The following MAPK8IP3 variants were observed in gnomAD, a reference collection of about 807,000 sequenced individuals.
The protein encoded by MAPK8IP3 is mitogen-activated protein kinase 8 interacting protein 3.
In MAPK8IP3, 49 loss-of-function variants were observed where a neutral mutation model predicts 157.8. That is an observed-to-expected ratio of 0.31 (90% confidence interval 0.25 to 0.39). MAPK8IP3 has a LOEUF of 0.39. Among genes scored for constraint, MAPK8IP3 ranks in the 10% least tolerant of loss-of-function variants. The pLI is 1.00. For missense variants in MAPK8IP3, 1,478 were observed against 1,889.4 expected (o/e 0.78, Z 4.04); for synonymous variants, 897 against 777.7 (o/e 1.15, Z -2.55).
intron 8 of MAPK8IP3, among the ~76,000 whole-genome samples, chr16:1,749,931 A>G (rs1183768131): frequency 6.6e-6 from 1 of 152,216 alleles, no homozygotes; most frequent in African/African-American, 2.4e-5. Context: ...TATGAGTAAC[A>G]TAATATTCAC....
intron 4 of MAPK8IP3, among the ~76,000 whole-genome samples, chr16:1,738,806 CATGTGAGCATCTG>C (rs1468215579): frequency 7.6e-6 from 1 of 131,864 alleles, no homozygotes; most frequent in East Asian, 2.4e-4. Context: ...TGTGACCACC[CATGTGAGCATCTG>C]TGTGACCGTC....
chr16:1,765,886 C>A (rs890156290), intron 20 of MAPK8IP3, 74 bp from the exon 21 acceptor site: 8 of 1,384,752 alleles, frequency 5.8e-6, no homozygotes, highest in African/African-American at 1.4e-5. Context: ...TCCTCTGCCC[C>A]TGTGTAAGTG....
chr16:1,743,538 G>A lies in MAPK8IP3; in HGVS notation c.747+62G>A. The A allele has an allele frequency of 3.2e-6, 5 of 1,569,092 alleles. No individual in the cohort carries two copies. The South Asian group carries it at 5.8e-5, about 18-fold the overall frequency. On this transcript the variant is annotated intron_variant, in intron 5 of 31. Transcript: ENST00000610761. This position sits in a 1 kb window ranked among gnomAD's most constrained non-coding sequence, Gnocchi z 5.6. ...CTGTTGCTGGTGTTCCCCGTTCACT[G>A]GGGCGGGAGCCTCGTCTGCAGGCAG...
At chr16:1,748,542 G>A (rs2041106613) in intron 7 of MAPK8IP3, 60 bp from the exon 8 acceptor site, 21 of 1,397,250 alleles carry the variant, frequency 1.5e-5, no homozygotes, top group South Asian at 1.4e-4. Flanking sequence ...GTCTGCAGAC[G>A]CAGCCACTCC....
At chr16:1,737,702 G>A (rs1382107103) in intron 4 of MAPK8IP3, among the ~76,000 whole-genome samples, 1 of 91,526 alleles carries the variant, frequency 1.1e-5, no homozygotes, top group Non-Finnish European at 2.0e-5. Flanking sequence ...GACCATCCAT[G>A]TGAGCATCTG....
chr16:1,708,314 T>C (rs1269996237), intron 1 of MAPK8IP3, among the ~76,000 whole-genome samples: 1 of 152,178 alleles, frequency 6.6e-6, no homozygotes, highest in Non-Finnish European at 1.5e-5. Flanking sequence ...AAGCCTGGAG[T>C]GCCAGGGCTG....
chr16:1,755,954 A>G (rs2041572916), intron 8 of MAPK8IP3, among the ~76,000 whole-genome samples: 1 of 152,234 alleles, frequency 6.6e-6, no homozygotes, highest in Non-Finnish European at 1.5e-5. Context: ...GAGAAAATCA[A>G]GAAAACTTTT....
chr16:1,746,852 G>T, intron 5 of MAPK8IP3, 177 bp from the exon 6 acceptor site: 1 of 697,278 alleles, frequency 1.4e-6, no homozygotes, highest in East Asian at 2.8e-5. Flanking sequence ...AGCCACTCGG[G>T]AGTGGTGAGG....
At chr16:1,764,752 G>C (rs2042157645) in intron 19 of MAPK8IP3, among the ~76,000 whole-genome samples, 1 of 152,208 alleles carries the variant, frequency 6.6e-6, no homozygotes, top group African/African-American at 2.4e-5. Flanking sequence ...TTGCCTCCCA[G>C]TGGTGGGAGG....
chr16:1,756,502 G>A (rs2041606181), intron 8 of MAPK8IP3, among the ~76,000 whole-genome samples: 1 of 151,736 alleles, frequency 6.6e-6, no homozygotes, highest in Admixed American at 6.6e-5. Flanking sequence ...AGCAACCGGG[G>A]TCAGGCACAG....
At chr16:1,734,347 C>T (rs1212397311) in intron 4 of MAPK8IP3, among the ~76,000 whole-genome samples, 5 of 152,168 alleles carry the variant, frequency 3.3e-5, no homozygotes, top group Admixed American at 6.5e-5. Flanking sequence ...GGTACTGAGC[C>T]GCATCACCAG....
chr16:1,739,141 CGT>C (rs553263960), intron 4 of MAPK8IP3, among the ~76,000 whole-genome samples: 8 of 112,354 alleles, frequency 7.1e-5, no homozygotes, highest in East Asian at 2.8e-4. Context: ...TGTGACCGTC[CGT>C]GTGTGTGACC....
intron 1 of MAPK8IP3, among the ~76,000 whole-genome samples, chr16:1,712,550 C>G (rs1041297483): frequency 6.6e-6 from 1 of 152,250 alleles, no homozygotes; most frequent in South Asian, 2.1e-4. Flanking sequence ...GCTGATTGCT[C>G]TCCTGGGGCA....
At chr16:1,728,967 G>A (rs1567152419) in intron 2 of MAPK8IP3, among the ~76,000 whole-genome samples, 171 bp from the exon 3 acceptor site, 1 of 151,894 alleles carries the variant, frequency 6.6e-6, no homozygotes, top group Non-Finnish European at 1.5e-5. Flanking sequence ...ATCGCACAAC[G>A]CACACAGCAG....
chr16:1,763,522 G>A (rs3751828), intron 16 of MAPK8IP3, 135 bp from the exon 17 acceptor site: 207,755 of 1,253,354 alleles, frequency 0.17, 21,664 homozygotes, highest in African/African-American at 0.48. Flanking sequence ...TCCCAGCTGG[G>A]CACCCGGTGG....
chr16:1,741,962 G>A lies in MAPK8IP3; in HGVS notation c.603-1370G>A, dbSNP rs753553016. Among the ~76,000 whole-genome samples the A allele has an allele frequency of 3.3e-5, 5 of 152,232 alleles. No homozygotes were observed. Among genetic ancestry groups the A allele is most frequent in the African/African-American group, 1.2e-4 (5 of 41,536 alleles). ...GGTAGCGGAGCTCCTGGTCAGCGGCGGCTGCTGCGTTCCCCTGTCGCCGTC... is the reference window on the plus strand; with the variant it reads ...GGTAGCGGAGCTCCTGGTCAGCGGCAGCTGCTGCGTTCCCCTGTCGCCGTC... On this transcript the variant is annotated intron_variant, in intron 4 of 31. Coordinates refer to ENST00000610761, the MANE Select transcript of MAPK8IP3 (RefSeq NM_001318852.2). This position sits in a 1 kb window ranked among gnomAD's most constrained non-coding sequence, Gnocchi z 6.9.
rs191974034 is a variant in MAPK8IP3, at chr16:1,752,391, T to C, written c.1216+3671T>C. The C allele has an allele frequency of 1.0e-4, 28 of 266,886 alleles. No individual in the cohort carries two copies. The Admixed American group carries it at 1.4e-3, about 13-fold the overall frequency. The allele number at this position is 266,886 out of a possible 1,614,324, so 16.5% of individuals were successfully genotyped here. ...AGCTCAGGCTGGCACGACAGGCTGCTCTTGGGAGTAACAGACCTTTTGGTG... is the reference window on the plus strand; with the variant it reads ...AGCTCAGGCTGGCACGACAGGCTGCCCTTGGGAGTAACAGACCTTTTGGTG... On this transcript the variant is annotated intron_variant, in intron 8 of 31. Transcript: ENST00000610761.
At chr16:1,721,011 C>G (rs537921758) in intron 1 of MAPK8IP3, among the ~76,000 whole-genome samples, 42 of 136,352 alleles carry the variant, frequency 3.1e-4, no homozygotes, top group Non-Finnish European at 5.3e-4. Flanking sequence ...CCAACCTAGG[C>G]AACAAGAGCA....
chr16:1,747,266 G>A lies in MAPK8IP3; in HGVS notation c.985G>A (p.Val329Ile), dbSNP rs971746807. ...ACAGGTCACCCAGGAGATGCGCAAC[G>A]TCAGTATAGGTGGGTGCCCACCTCC... ...EVQVTQEMRNVSIGMGSSDEW... is the reference protein window; with the variant it reads ...EVQVTQEMRNISIGMGSSDEW... Residue 329 changes from valine to isoleucine, a missense_variant, in exon 6 of 32, where the codon GTC becomes ATC. Coordinates refer to ENST00000610761, the MANE Select transcript of MAPK8IP3 (RefSeq NM_001318852.2). The A allele has an allele frequency of 4.3e-6, 7 of 1,613,362 alleles. No homozygotes were observed. The highest frequency in any genetic ancestry group is 1.6e-4 in the Middle Eastern group (1 of 6,082).
Sources: allele counts gnomAD v4.1 joint callset (sites outside exome capture counted in the v4.1 genomes callset), GRCh38; gene constraint gnomAD v4.1.1; non-coding constraint Gnocchi (gnomAD v3.1); transcripts MANE v1.5; gene names NCBI Gene and HGNC (gene_info 2026-07-23, HGNC 2026-07-21).